KIF3A: variants seen among roughly 807,000 people sequenced by gnomAD.
The protein encoded by KIF3A is kinesin family member 3A.
KIF3A carries 27 observed loss-of-function variants against 92.6 expected under a neutral mutation model. The ratio of observed to expected loss-of-function variants is 0.29; its 90% confidence interval spans 0.21 to 0.40. KIF3A has a LOEUF of 0.40. KIF3A is among the 10% of genes least tolerant of loss of function. KIF3A has a pLI of 1.00. For synonymous variants in KIF3A, 250 were observed against 275.4 expected (o/e 0.91, Z 0.92); for missense variants, 581 against 872.6 (o/e 0.67, Z 4.21).
chr5:132,721,063 T>C (rs1024200697), intron 4 of KIF3A, among the ~76,000 whole-genome samples: 3 of 151,994 alleles, frequency 2.0e-5, no homozygotes, highest in African/African-American at 7.3e-5. Context: ...AAGAAGAAAA[T>C]GTGCAAGAAT....
intron 2 of KIF3A, among the ~76,000 whole-genome samples, chr5:132,732,676 G>A (rs992097816): frequency 8.5e-5 from 13 of 152,170 alleles, no homozygotes; most frequent in African/African-American, 2.4e-4. Context: ...TTCAGAGGCT[G>A]AGACAGGCGG....
chr5:132,700,193 TG>T lies in KIF3A; in HGVS notation c.2007+22del, dbSNP rs757965742. 1.9e-4 allele frequency: 255 copies of T among 1,366,598 alleles called. No homozygotes were observed. The South Asian group carries it at 2.5e-3, about 14-fold the overall frequency. The allele number at this position is 1,366,598 out of a possible 1,614,324, so 84.7% of individuals were successfully genotyped here. A position where few individuals can be genotyped will look rare whatever the true frequency, so the allele number is the denominator to read the frequency against. ...ACAACAGTAGTTTTGTGTTTTGTTTTGTTTTTTTTTAAGTACTCTTACATCT... is the reference window on the plus strand; with the variant it reads ...ACAACAGTAGTTTTGTGTTTTGTTTTTTTTTTTTTAAGTACTCTTACATCT... On this transcript the variant is annotated intron_variant, in intron 17 of 18. Transcript: ENST00000403231.
chr5:132,700,712 G>A lies in KIF3A; in HGVS notation c.1885-12C>T. On this transcript the variant is annotated splice_polypyrimidine_tract_variant and intron_variant, in intron 15 of 18. Coordinates refer to ENST00000403231, the MANE Select transcript of KIF3A (RefSeq NM_001300791.2). ...TTTTCAATCATTTCCTTTTAAAAGG[G>A]TGAAAGATAGCCTATTTTTAATATT... is the stretch of plus-strand genomic sequence containing the variant. The A allele has an allele frequency of 6.5e-7, 1 of 1,544,714 alleles. No homozygotes were observed. Among genetic ancestry groups the A allele is most frequent in the Non-Finnish European group, 8.9e-7 (1 of 1,119,006 alleles).
chr5:132,737,515 C>T lies in KIF3A; in HGVS notation c.-96G>A. 2.1e-6 allele frequency: 3 copies of T among 1,422,050 alleles called. No homozygotes were observed. The highest frequency in any genetic ancestry group is 1.9e-6 in the Non-Finnish European group (2 of 1,034,344). 88.1% of individuals were successfully genotyped at this position (1,422,050 alleles called of 1,614,324 possible). ...AGGATGGCCAGAGACTACCGAAACACCTCGTTGACGCTCTCGAGACTGCGG... is the reference window on the plus strand; with the variant it reads ...AGGATGGCCAGAGACTACCGAAACATCTCGTTGACGCTCTCGAGACTGCGG... On this transcript the variant is annotated 5_prime_UTR_variant, in exon 1 of 19. The change creates a new upstream start codon in the 5' untranslated region. Transcript: ENST00000403231.
chr5:132,728,131 TA>T (rs1754100276), intron 2 of KIF3A, among the ~76,000 whole-genome samples: 1 of 152,180 alleles, frequency 6.6e-6, no homozygotes, highest in Non-Finnish European at 1.5e-5. Context: ...AATTATTAAA[TA>T]AAAAATAAGC....
rs539326802 is a variant in KIF3A, at chr5:132,724,416, G to T, written c.510+1712C>A. ...CCCAAATGTCCAACAATGATAGACT[G>T]GATTAAGAAAATGTGGCACATATAC... On this transcript the variant is annotated intron_variant, in intron 4 of 18. Transcript: ENST00000403231. 2.8e-4 allele frequency among the ~76,000 whole-genome samples: 42 copies of T among 152,190 alleles called. No homozygotes were observed. In the East Asian group the frequency reaches 7.5e-3, roughly 27 times the overall value.
chr5:132,710,616 AAAACAAACAAAC>A (rs536237180), intron 9 of KIF3A, among the ~76,000 whole-genome samples: 4 of 152,306 alleles, frequency 2.6e-5, no homozygotes, highest in African/African-American at 9.6e-5. Flanking sequence ...ACTCCGTCTC[AAAACAAACAAAC>A]AAACAAACAA....
At chr5:132,734,548 A>C (rs148310327) in intron 1 of KIF3A, 70 bp from the exon 2 acceptor site, 1 of 1,429,036 alleles carries the variant, frequency 7.0e-7, no homozygotes, top group East Asian at 2.4e-5. Context: ...TAAATTTATA[A>C]ACTTTAAAAG....
In KIF3A at chr5:132,726,391, T is replaced by G; in HGVS notation, c.388A>C (p.Ile130Leu). The change falls in exon 3 of 19, where the codon ATA (isoleucine) becomes CTA (leucine). Residue 130 changes from isoleucine to leucine, a missense_variant. Physicochemically the swap from Ile to Leu is conservative, Grantham distance 5. Coordinates refer to ENST00000403231, the MANE Select transcript of KIF3A (RefSeq NM_001300791.2). ...TCCGCTTTTGCAATATGACCAAATA[T>G]GTGAGCAAATGAATTGGGAATTATT... Reference protein sequence around the residue: ...RGIIPNSFAHIFGHIAKAEGD... With the variant: ...RGIIPNSFAHLFGHIAKAEGD... 2 of 1,613,812 alleles carry G rather than the reference T, an allele frequency of 1.2e-6. No homozygotes were observed. Among genetic ancestry groups the G allele is most frequent in the Non-Finnish European group, 1.7e-6 (2 of 1,179,774 alleles).
intron 1 of KIF3A, among the ~76,000 whole-genome samples, chr5:132,735,218 G>A (rs1465228873): frequency 6.6e-6 from 1 of 152,076 alleles, no homozygotes; most frequent in East Asian, 1.9e-4. Flanking sequence ...AGGATTACAG[G>A]CGTCCATCAC....
At position 132,727,269 on chromosome 5, in the gene KIF3A, A is replaced by G. The variant is rs1754063749; in HGVS notation, c.281-771T>C. ...GCATTGTGCTAGGCACTAGAGACAC[A>G]GTGACAAGACAAACACAATCCCTAA... On this transcript the variant is annotated intron_variant, in intron 2 of 18. Transcript: ENST00000403231. Among the ~76,000 whole-genome samples the G allele has an allele frequency of 2.0e-5, 3 of 152,346 alleles. No homozygotes were observed. The South Asian group carries it at 6.2e-4, about 32-fold the overall frequency.
intron 1 of KIF3A, among the ~76,000 whole-genome samples, chr5:132,736,422 C>T (rs1166042944): frequency 6.6e-6 from 1 of 152,162 alleles, no homozygotes; most frequent in Non-Finnish European, 1.5e-5. Context: ...TACCCACCCA[C>T]TTCATTATTA....
chr5:132,726,391 T>C lies in KIF3A; in HGVS notation c.388A>G (p.Ile130Val), dbSNP rs1403556537. The C allele has an allele frequency of 4.3e-6, 7 of 1,613,812 alleles. No individual in the cohort carries two copies. The highest frequency in any genetic ancestry group is 4.5e-5 in the East Asian group (2 of 44,862). The stretch of plus-strand genomic sequence containing the variant: ...TCCGCTTTTGCAATATGACCAAATA[T>C]GTGAGCAAATGAATTGGGAATTATT... ...RGIIPNSFAH[I>V]FGHIAKAEGD... The change falls in exon 3 of 19, where the codon ATA becomes GTA. Residue 130 changes from isoleucine to valine, a missense_variant. By Grantham distance (29) the Ile-to-Val change is conservative. Around this residue, in one of 5 missense-constraint regions of KIF3A, gnomAD observed 217 missense variants for 299.7 expected, o/e 0.72. Coordinates refer to ENST00000403231, the MANE Select transcript of KIF3A (RefSeq NM_001300791.2).
chr5:132,708,941 A>G lies in KIF3A; in HGVS notation c.1266T>C (p.Ser422=). 1 of 1,550,376 alleles carries G rather than the reference A, an allele frequency of 6.5e-7. No homozygotes were observed. Among genetic ancestry groups the G allele is most frequent in the Non-Finnish European group, 8.7e-7 (1 of 1,146,818 alleles). ...SSSSSSDSTC[S]VIEKPLDKFL... ...ACTTATCCAGAGGTTTCTCTATGAC[A>G]GAACATGTGGAGTCTGAACTACTGC... The change falls in exon 10 of 19, where the codon TCT becomes TCC. Residue 422 remains serine, a synonymous_variant. Coordinates refer to ENST00000403231, the MANE Select transcript of KIF3A (RefSeq NM_001300791.2).
chr5:132,716,602 A>C (rs1269678485), intron 6 of KIF3A, among the ~76,000 whole-genome samples, 160 bp from the exon 7 acceptor site: 1 of 152,252 alleles, frequency 6.6e-6, no homozygotes, highest in Non-Finnish European at 1.5e-5. Flanking sequence ...GGGAGAGTAC[A>C]TGAAACAAGA....
intron 8 of KIF3A, among the ~76,000 whole-genome samples, chr5:132,713,613 T>C (rs936775985): frequency 1.8e-4 from 27 of 149,784 alleles, no homozygotes; most frequent in African/African-American, 6.6e-4. Context: ...GCAATTCCAT[T>C]GCTGGGTACA....
chr5:132,728,634 A>C (rs1025120558), intron 2 of KIF3A, among the ~76,000 whole-genome samples: 1 of 151,990 alleles, frequency 6.6e-6, no homozygotes, highest in Non-Finnish European at 1.5e-5. Flanking sequence ...CTACTCGGGA[A>C]GGTGAAGCAC....
At chr5:132,728,171 G>A (rs936608645) in intron 2 of KIF3A, among the ~76,000 whole-genome samples, 1 of 152,060 alleles carries the variant, frequency 6.6e-6, no homozygotes, top group African/African-American at 2.4e-5. Context: ...GTCACTTACT[G>A]ATCATTTGCT....
chr5:132,710,900 C>G, intron 9 of KIF3A, 59 bp downstream of exon 9: 1 of 1,610,988 alleles, frequency 6.2e-7, no homozygotes, highest in South Asian at 1.1e-5. Flanking sequence ...AAGTCATGCA[C>G]TCTACCACCT....
Sources: allele counts gnomAD v4.1 joint callset (sites outside exome capture counted in the v4.1 genomes callset), GRCh38; gene constraint gnomAD v4.1.1; regional missense constraint gnomAD v4.1.1; transcripts MANE v1.5; gene names NCBI Gene and HGNC (gene_info 2026-07-23, HGNC 2026-07-21).